The following ZBTB40 variants were observed in gnomAD, a reference collection of about 807,000 sequenced individuals.
The protein encoded by ZBTB40 is zinc finger and BTB domain-containing protein 40.
Under a neutral mutation model 117.5 loss-of-function variants are expected in ZBTB40, and 60 were observed. The ratio of observed to expected loss-of-function variants is 0.51; its 90% confidence interval spans 0.41 to 0.63. The LOEUF (loss-of-function observed/expected upper bound fraction) is 0.63. Ranked by LOEUF, ZBTB40 falls within the 30% of genes least tolerant of loss-of-function variation. The pLI, the probability that ZBTB40 is intolerant of heterozygous loss-of-function variation, is 0.00. For missense variants in ZBTB40, 1,287 were observed against 1,498.5 expected (o/e 0.86, Z 2.33); for synonymous variants, 525 against 577.1 (o/e 0.91, Z 1.29).
chr1:22,429,362 T>C (rs1012827743), intron 1 of ZBTB40, among the ~76,000 whole-genome samples: 4 of 151,218 alleles, frequency 2.6e-5, no homozygotes, highest in African/African-American at 9.7e-5. Context: ...GCCTGGGCGA[T>C]AGAGCAAGAC....
At position 22,526,294 on chromosome 1, in the gene ZBTB40, G is replaced by C; in HGVS notation, c.3618G>C (p.Leu1206Phe). ...QLAGSQVFVT[L>F]PDSQASQASS... is the part of the protein sequence containing the mutation. ...CCGGGTCGCAGGTGTTTGTGACGTT[G>C]CCAGATTCTCAGGCATCTCAGGCCA... is the stretch of plus-strand genomic sequence containing the variant. The change falls in exon 18 of 18, where the codon TTG becomes TTC. Residue 1206 changes from leucine to phenylalanine, a missense_variant. Coordinates refer to ENST00000375647, the MANE Select transcript of ZBTB40 (RefSeq NM_014870.4). The C allele has an allele frequency of 6.2e-7, 1 of 1,614,206 alleles. No individual in the cohort carries two copies. The highest frequency in any genetic ancestry group is 8.5e-7 in the Non-Finnish European group (1 of 1,180,036).
chr1:22,497,994 T>G (rs1179749214), intron 3 of ZBTB40, among the ~76,000 whole-genome samples: 1 of 152,012 alleles, frequency 6.6e-6, no homozygotes. Flanking sequence ...CTCAAACAGA[T>G]CTGAAGGCAG....
chr1:22,515,753 A>G (rs1245938283), intron 12 of ZBTB40, among the ~76,000 whole-genome samples: 2 of 152,254 alleles, frequency 1.3e-5, no homozygotes, highest in African/African-American at 4.8e-5. Flanking sequence ...ATGGTAACAT[A>G]CACACAGGTT....
At chr1:22,461,453 A>G (rs937217877) in intron 1 of ZBTB40, among the ~76,000 whole-genome samples, 3 of 152,164 alleles carry the variant, frequency 2.0e-5, no homozygotes, top group Non-Finnish European at 4.4e-5. Flanking sequence ...ACAGCAATAG[A>G]GAAGTTATCC....
At chr1:22,433,398 ACTC>A in intron 1 of ZBTB40, among the ~76,000 whole-genome samples, 1 of 128,360 alleles carries the variant, frequency 7.8e-6, no homozygotes, top group Non-Finnish European at 1.6e-5. Flanking sequence ...GCACCACTGC[ACTC>A]CAGCCTGGGC....
intron 16 of ZBTB40, among the ~76,000 whole-genome samples, chr1:22,523,854 C>T (rs901896728): frequency 6.6e-6 from 1 of 152,302 alleles, no homozygotes; most frequent in East Asian, 1.9e-4. Context: ...GATCCTACTT[C>T]AGAGATGTTA....
chr1:22,510,823 C>T (rs986280055), intron 9 of ZBTB40, among the ~76,000 whole-genome samples: 2 of 152,168 alleles, frequency 1.3e-5, no homozygotes, highest in African/African-American at 4.8e-5. Context: ...CACCGACGAC[C>T]AAATCCTATA....
intron 1 of ZBTB40, among the ~76,000 whole-genome samples, chr1:22,437,910 G>A (rs2124364398): frequency 1.3e-5 from 2 of 151,810 alleles, no homozygotes; most frequent in East Asian, 3.9e-4. Context: ...TGATCACCTG[G>A]TCTCAAGGTC....
chr1:22,467,007 A>G (rs1641271946), intron 1 of ZBTB40, among the ~76,000 whole-genome samples: 1 of 152,124 alleles, frequency 6.6e-6, no homozygotes, highest in Admixed American at 6.6e-5. Context: ...ATTCCATAAT[A>G]TGGCTGTATG....
chr1:22,451,034 G>C (rs549044828), upstream of ZBTB40, among the ~76,000 whole-genome samples: 1 of 152,320 alleles, frequency 6.6e-6, no homozygotes, highest in South Asian at 2.1e-4. Flanking sequence ...GTGGCAAGGG[G>C]ACGCTTCAAC....
Position 22,511,344 on chromosome 1 carries a change from A to G in ZBTB40, c.1999A>G (p.Ile667Val), listed in dbSNP as rs367713747. The G allele has an allele frequency of 1.9e-6, 3 of 1,613,830 alleles. No homozygotes were observed. Among genetic ancestry groups the G allele is most frequent in the African/African-American group, 1.3e-5 (1 of 74,904 alleles). Residue 667 changes from isoleucine (I) to valine (V), a missense_variant, in exon 10 of 18, where the codon ATT becomes GTT. By Grantham distance (29) the Ile-to-Val change is conservative. Transcript: ENST00000375647. ...LQPVMQELAY[I>V]GVLTKEDGEK... is the part of the protein sequence containing the mutation. ...GCCTGTCATGCAGGAGTTGGCATACATTGGTAAGGAACGGGCCAGGTGGGA... is the reference window on the plus strand; with the variant it reads ...GCCTGTCATGCAGGAGTTGGCATACGTTGGTAAGGAACGGGCCAGGTGGGA...
In ZBTB40 at chr1:22,506,153, ACTC is replaced by A. The variant is rs1190649676; in HGVS notation, c.1277_1279del (p.Leu426del). ...CGCTGACTGCTGAGGGTTTGGTAAA[ACTC>A]CTCCAGGCTGTGAAGACGACTTTCC... is the stretch of plus-strand genomic sequence containing the variant. On this transcript the variant is annotated inframe_deletion, in exon 6 of 18. Transcript: ENST00000375647. The A allele has an allele frequency of 3.1e-6, 5 of 1,613,756 alleles. No homozygotes were observed. Among genetic ancestry groups the A allele is most frequent in the East Asian group, 2.2e-5 (1 of 44,866 alleles).
chr1:22,502,144 G>A (rs963368421), intron 4 of ZBTB40, among the ~76,000 whole-genome samples, 155 bp from the exon 5 acceptor site: 4 of 152,176 alleles, frequency 2.6e-5, no homozygotes, highest in Admixed American at 2.0e-4. Flanking sequence ...GAATAATAAA[G>A]TATTTTCCTC....
intron 1 of ZBTB40, among the ~76,000 whole-genome samples, chr1:22,485,486 A>G (rs1180064216): frequency 6.6e-6 from 1 of 151,924 alleles, no homozygotes; most frequent in African/African-American, 2.4e-5. Flanking sequence ...ATATTAATAA[A>G]TTGTATTGTC....
intron 8 of ZBTB40, 109 bp from the exon 9 acceptor site, chr1:22,508,991 G>T (rs1639154500): frequency 6.4e-7 from 1 of 1,563,492 alleles, no homozygotes; most frequent in Non-Finnish European, 8.8e-7. Flanking sequence ...CCTCAGATAG[G>T]AGATAGGGGA....
chr1:22,520,294 G>A lies in ZBTB40; in HGVS notation c.3048+19G>A, dbSNP rs749445499. The A allele has an allele frequency of 5.0e-6, 8 of 1,601,782 alleles. No homozygotes were observed. The highest frequency in any genetic ancestry group is 6.8e-6 in the Non-Finnish European group (8 of 1,175,608). On this transcript the variant is annotated intron_variant, in intron 14 of 17. Coordinates refer to ENST00000375647, the MANE Select transcript of ZBTB40 (RefSeq NM_014870.4). ...CTACCAGGTGACCTCAGGTGCCACTGGGAGCTCTTCCCCTCACCCCTGACC... is the reference window on the plus strand; with the variant it reads ...CTACCAGGTGACCTCAGGTGCCACTAGGAGCTCTTCCCCTCACCCCTGACC...
intron 1 of ZBTB40, among the ~76,000 whole-genome samples, chr1:22,435,097 C>A (rs1640653211): frequency 6.6e-6 from 1 of 151,208 alleles, no homozygotes; most frequent in South Asian, 2.1e-4. Context: ...ACCTCCCAGG[C>A]TCAACTGATC....
chr1:22,444,328 G>T (rs1640765561), intron 1 of ZBTB40, among the ~76,000 whole-genome samples: 1 of 152,140 alleles, frequency 6.6e-6, no homozygotes, highest in Non-Finnish European at 1.5e-5. Context: ...GCTGAGTCAG[G>T]AGAATCACTT....
At position 22,496,055 on chromosome 1, in the gene ZBTB40, A is replaced by G. The variant is rs558955735; in HGVS notation, c.831+4522A>G. 7.2e-5 allele frequency among the ~76,000 whole-genome samples: 11 copies of G among 152,382 alleles called. No homozygotes were observed. The Middle Eastern group carries it at 0.01, about 141-fold the overall frequency. On this transcript the variant is annotated intron_variant, in intron 3 of 17. Transcript: ENST00000375647. ...TGTGTCTGCCTCCTGACGTGCAGGC[A>G]GCAGAGATGCTATAGATCGAGAACA...
Sources: gnomAD v4.1 joint callset for allele counts (sites outside exome capture counted in the v4.1 genomes callset) on GRCh38, gnomAD v4.1.1 for gene constraint, MANE v1.5 for transcripts, NCBI Gene and HGNC (gene_info 2026-07-23, HGNC 2026-07-21) for gene names.